GRID1: variants seen among roughly 807,000 people sequenced by gnomAD.
The protein encoded by GRID1 is glutamate ionotropic receptor delta type subunit 1.
Under a neutral mutation model 98.0 loss-of-function variants are expected in GRID1, and 28 were observed. That is an observed-to-expected ratio of 0.29 (90% CI 0.21 to 0.39). The LOEUF (loss-of-function observed/expected upper bound fraction) is 0.39, where lower values mean the gene tolerates loss of function less well. Ranked by LOEUF, GRID1 falls within the 10% of genes least tolerant of loss-of-function variation. The pLI is 1.00. For synonymous variants in GRID1, 553 were observed against 538.5 expected (o/e 1.03, Z -0.37); for missense variants, 1,111 against 1,340.5 (o/e 0.83, Z 2.67).
intron 3 of GRID1, among the ~76,000 whole-genome samples, chr10:86,144,745 C>T (rs1281758087): frequency 6.6e-6 from 1 of 152,174 alleles, no homozygotes; most frequent in Admixed American, 6.5e-5. Context: ...CCTTCACACG[C>T]TCCCGGTCAC....
chr10:86,224,969 A>C (rs561338656), intron 2 of GRID1, among the ~76,000 whole-genome samples: 10 of 152,324 alleles, frequency 6.6e-5, no homozygotes, highest in African/African-American at 2.4e-4. Flanking sequence ...TGTTGAGGCC[A>C]CTTCAGGGTC....
intron 4 of GRID1, among the ~76,000 whole-genome samples, chr10:86,126,291 TAA>T (rs1209252121): frequency 6.6e-6 from 1 of 151,856 alleles, no homozygotes; most frequent in Non-Finnish European, 1.5e-5. Flanking sequence ...CCGTCTCTAC[TAA>T]AAATACAAAA....
At chr10:85,849,645 T>C (rs1843039432) in intron 8 of GRID1, among the ~76,000 whole-genome samples, 1 of 152,090 alleles carries the variant, frequency 6.6e-6, no homozygotes, top group African/African-American at 2.4e-5. Flanking sequence ...AGAAATGATG[T>C]TCTGGGTCCT....
At position 85,898,908 on chromosome 10, in the gene GRID1, A is replaced by G. The variant is rs376619913; in HGVS notation, c.780+17278T>C. 5.9e-5 allele frequency among the ~76,000 whole-genome samples: 9 copies of G among 152,344 alleles called. No homozygotes were observed. In the South Asian group the frequency reaches 8.3e-4, roughly 14 times the overall value. ...GTATAGTCGCCTATTATTATTCTCA[A>G]GTATTATGGACTGCACCTAATTGTA... On this transcript the variant is annotated intron_variant, in intron 5 of 15. Coordinates refer to ENST00000327946, the MANE Select transcript of GRID1 (RefSeq NM_017551.3).
At chr10:86,024,267 G>A (rs542723500) in intron 4 of GRID1, among the ~76,000 whole-genome samples, 4 of 152,234 alleles carry the variant, frequency 2.6e-5, no homozygotes, top group African/African-American at 7.2e-5. Flanking sequence ...CTATCACCCA[G>A]CCGTCTGGTG....
At position 86,195,199 on chromosome 10, in the gene GRID1, C is replaced by CT. The variant is rs1421097800; in HGVS notation, c.520+11164_520+11165insA. Among the ~76,000 whole-genome samples, 4 of 152,054 alleles carry CT rather than the reference C, an allele frequency of 2.6e-5. No individual in the cohort carries two copies. The highest frequency in any genetic ancestry group is 9.7e-5 in the African/African-American group (4 of 41,426). ...TGAGAGGGCCACACTGCACAGTCAGCGACTGTGCTTGACTGAGAAACAGCC... is the reference window on the plus strand; with the variant it reads ...TGAGAGGGCCACACTGCACAGTCAGCTGACTGTGCTTGACTGAGAAACAGCC... On this transcript the variant is annotated intron_variant, in intron 3 of 15. Transcript: ENST00000327946. This position sits in a 1 kb window ranked among gnomAD's most constrained non-coding sequence, Gnocchi z 4.4.
intron 8 of GRID1, among the ~76,000 whole-genome samples, chr10:85,753,893 C>T (rs1001455367): frequency 2.6e-5 from 4 of 152,194 alleles, no homozygotes; most frequent in Non-Finnish European, 4.4e-5. Context: ...GTAGTTTAAG[C>T]CTTTGCTTGT....
At chr10:85,721,212 C>T (rs982154190) in intron 12 of GRID1, among the ~76,000 whole-genome samples, 21 of 152,118 alleles carry the variant, frequency 1.4e-4, no homozygotes, top group African/African-American at 5.1e-4. Context: ...AGGAAAGATG[C>T]AGAGAAACTG....
rs918779288 is a variant in GRID1, at chr10:86,081,478, C to T, written c.726+57341G>A. On this transcript the variant is annotated intron_variant, in intron 4 of 15. Transcript: ENST00000327946. The stretch of plus-strand genomic sequence containing the variant: ...AGAAGAGGAGGCTCATGGCCACAGA[C>T]GATGGAAGCTGATAGACATGGCAGT... Among the ~76,000 whole-genome samples, 51 of 152,286 alleles carry T rather than the reference C, an allele frequency of 3.3e-4. 1 individual carries two copies. Among genetic ancestry groups the T allele is most frequent in the Admixed American group, 1.2e-3 (19 of 15,298 alleles).
At chr10:86,015,460 C>T (rs909567909) in intron 4 of GRID1, among the ~76,000 whole-genome samples, 2 of 152,208 alleles carry the variant, frequency 1.3e-5, no homozygotes, top group Admixed American at 6.5e-5. Flanking sequence ...AAGGTGGAAA[C>T]AGGATAATCT....
chr10:86,118,713 G>A (rs1433374288), intron 4 of GRID1, among the ~76,000 whole-genome samples: 1 of 152,116 alleles, frequency 6.6e-6, no homozygotes, highest in Non-Finnish European at 1.5e-5. Context: ...AGGTGGTCAA[G>A]GTCTACACCA....
At chr10:85,744,416 G>A (rs546142086) in intron 8 of GRID1, among the ~76,000 whole-genome samples, 5 of 151,426 alleles carry the variant, frequency 3.3e-5, no homozygotes, top group Admixed American at 2.0e-4. Flanking sequence ...AAATAACGCT[G>A]CATATCTACA....
chr10:86,212,874 C>T lies in GRID1; in HGVS notation c.236-6226G>A, dbSNP rs530800000. Among the ~76,000 whole-genome samples, 6 of 152,242 alleles carry T rather than the reference C, an allele frequency of 3.9e-5. No homozygotes were observed. In the South Asian group the frequency reaches 1.2e-3, roughly 32 times the overall value. ...AAATACGTTTCATCTTTTATTAAGA[C>T]ATTTAAAAGGTAACCAAAACCATAA... is the stretch of plus-strand genomic sequence containing the variant. On this transcript the variant is annotated intron_variant, in intron 2 of 15. Transcript: ENST00000327946.
At chr10:86,077,506 C>T (rs1053147010) in intron 4 of GRID1, among the ~76,000 whole-genome samples, 3 of 152,222 alleles carry the variant, frequency 2.0e-5, no homozygotes, top group Non-Finnish European at 2.9e-5. Context: ...AAACCTAGTG[C>T]ACTAGGGCTC....
In GRID1 at chr10:86,148,252, C is replaced by T. The variant is rs573517110; in HGVS notation, c.521-9228G>A. On this transcript the variant is annotated intron_variant, in intron 3 of 15. Coordinates refer to ENST00000327946, the MANE Select transcript of GRID1 (RefSeq NM_017551.3). ...CCAGCCGATGGATGGATGAAGAAAA[C>T]GTGGTGTACATGCACAATGGAATGC... Among the ~76,000 whole-genome samples the T allele has an allele frequency of 4.6e-5, 7 of 152,280 alleles. No individual in the cohort carries two copies. In the South Asian group the frequency reaches 1.5e-3, roughly 32 times the overall value.
In GRID1 at chr10:85,602,003, T is replaced by A. The variant is rs896476993; in HGVS notation, c.*270A>T. 9.2e-5 allele frequency: 36 copies of A among 390,440 alleles called. No individual in the cohort carries two copies. The highest frequency in any genetic ancestry group is 3.2e-5 in the Non-Finnish European group (7 of 218,714). The allele number at this position is 390,440 out of a possible 1,614,324, so 24.2% of individuals were successfully genotyped here. Reference sequence around the variant, plus strand: ...GCACTTCAGAATGATCACAAGTAATTTGCCTTTTTATTCATATAGAACAAA... The same window carrying A: ...GCACTTCAGAATGATCACAAGTAATATGCCTTTTTATTCATATAGAACAAA... On this transcript the variant is annotated 3_prime_UTR_variant, in exon 16 of 16. Transcript: ENST00000327946.
At chr10:85,791,031 C>T (rs1009068543) in intron 8 of GRID1, among the ~76,000 whole-genome samples, 4 of 152,200 alleles carry the variant, frequency 2.6e-5, no homozygotes, top group Admixed American at 2.0e-4. Context: ...CCAGAGACAA[C>T]GAGTGACTTC....
chr10:86,026,001 C>T (rs1227512767), intron 4 of GRID1, among the ~76,000 whole-genome samples: 2 of 152,246 alleles, frequency 1.3e-5, no homozygotes, highest in Admixed American at 6.5e-5. Context: ...CCACACCACC[C>T]TCTGGCTTGT....
At chr10:85,735,722 C>T (rs930643313) in intron 8 of GRID1, among the ~76,000 whole-genome samples, 1 of 151,954 alleles carries the variant, frequency 6.6e-6, no homozygotes, top group Non-Finnish European at 1.5e-5. Flanking sequence ...TACTGTTTTA[C>T]AGCCCAGAGA....
Sources: allele counts gnomAD v4.1 joint callset (sites outside exome capture counted in the v4.1 genomes callset), GRCh38; gene constraint gnomAD v4.1.1; non-coding constraint Gnocchi (gnomAD v3.1); transcripts MANE v1.5; gene names NCBI Gene and HGNC (gene_info 2026-07-23, HGNC 2026-07-21).